TNFSF8: variants seen among roughly 807,000 people sequenced by gnomAD.
TNFSF8 encodes TNF superfamily member 8.
TNFSF8 carries 4 observed loss-of-function variants against 22.0 expected under a neutral mutation model. That is an observed-to-expected ratio of 0.18 (90% CI 0.09 to 0.42). The LOEUF is 0.42. Ranked by LOEUF, TNFSF8 falls within the 10% of genes least tolerant of loss-of-function variation. TNFSF8 has a pLI of 1.00. For synonymous variants in TNFSF8, 106 were observed against 112.5 expected (o/e 0.94, Z 0.37); for missense variants, 233 against 281.8 (o/e 0.83, Z 1.24).
intron 1 of TNFSF8, among the ~76,000 whole-genome samples, chr9:114,928,531 C>G (rs1418823243): frequency 6.6e-6 from 1 of 152,224 alleles, no homozygotes; most frequent in Admixed American, 6.5e-5. Flanking sequence ...CCATCTCTCT[C>G]TCTCTCTCAG....
intron 3 of TNFSF8, among the ~76,000 whole-genome samples, chr9:114,904,614 T>C (rs1270456088): frequency 2.0e-5 from 3 of 152,214 alleles, no homozygotes; most frequent in Admixed American, 2.0e-4. Flanking sequence ...ATCATTATCA[T>C]ATTATATTAT....
chr9:114,908,806 G>T (rs1827816262), intron 2 of TNFSF8, among the ~76,000 whole-genome samples: 1 of 152,156 alleles, frequency 6.6e-6, no homozygotes, highest in African/African-American at 2.4e-5. Context: ...GTTCAGAAAG[G>T]GGCTAAAAGC....
intron 2 of TNFSF8, among the ~76,000 whole-genome samples, chr9:114,909,061 T>C (rs1304141233): frequency 6.6e-6 from 1 of 152,136 alleles, no homozygotes; most frequent in Non-Finnish European, 1.5e-5. Context: ...TGTCACACTG[T>C]GAGTCACAGT....
At chr9:114,894,023 A>T in exon 5 of TNFSF8, 1 of 1,397,714 alleles carries the variant, frequency 7.2e-7, no homozygotes, top group Non-Finnish European at 9.8e-7. Flanking sequence ...TCCACTTAGC[A>T]GTGACAGTGA....
chr9:114,926,488 A>G (rs1479940274), intron 1 of TNFSF8, among the ~76,000 whole-genome samples: 5 of 152,206 alleles, frequency 3.3e-5, no homozygotes, highest in Admixed American at 6.5e-5. Context: ...TATTCCCCAG[A>G]TATACTTGCA....
chr9:114,929,962 G>GTATATATATA, intron 1 of TNFSF8, 147 bp downstream of exon 1: 1 of 268,734 alleles, frequency 3.7e-6, no homozygotes, highest in Non-Finnish European at 6.8e-6. Flanking sequence ...ATATACTATA[G>GTATATATATA]TATATATATA....
intron 4 of TNFSF8, among the ~76,000 whole-genome samples, chr9:114,895,173 G>A (rs970578969): frequency 2.4e-4 from 36 of 152,316 alleles, no homozygotes; most frequent in Non-Finnish European, 4.9e-4. Context: ...ATCCCTGCCT[G>A]GTAATTCCCT....
chr9:114,909,458 C>A (rs930417914), intron 2 of TNFSF8, among the ~76,000 whole-genome samples: 1 of 152,188 alleles, frequency 6.6e-6, no homozygotes, highest in African/African-American at 2.4e-5. Context: ...CCTGGGATTT[C>A]TCCTCTCTGG....
intron 1 of TNFSF8, 49 bp downstream of exon 1, chr9:114,930,060 C>A: frequency 7.2e-7 from 1 of 1,396,582 alleles, no homozygotes; most frequent in Non-Finnish European, 9.4e-7. Flanking sequence ...GGCTCTTTCT[C>A]TCGGGAAAAC....
chr9:114,901,868 C>T lies in TNFSF8; in HGVS notation c.*2063G>A, dbSNP rs1827720197. On this transcript the variant is annotated 3_prime_UTR_variant, in exon 4 of 4. Transcript: ENST00000223795. ...CAGATGACTTAAAATTTTCCCTTAG[C>T]CATTTTTGTTCTCTCAAGTCCCTTT... 1 of 950,728 alleles carries T rather than the reference C, an allele frequency of 1.1e-6. No homozygotes were observed. Among genetic ancestry groups the T allele is most frequent in the Non-Finnish European group, 1.3e-6 (1 of 798,460 alleles). The allele number at this position is 950,728 out of a possible 1,614,324, so 58.9% of individuals were successfully genotyped here. A position where few individuals can be genotyped will look rare whatever the true frequency, so the allele number is the denominator to read the frequency against.
downstream of TNFSF8, among the ~76,000 whole-genome samples, chr9:114,899,425 G>A (rs1413095811): frequency 6.7e-6 from 1 of 148,762 alleles, no homozygotes; most frequent in Non-Finnish European, 1.5e-5. Context: ...AACCTGGAAA[G>A]TCATTATACT....
intron 2 of TNFSF8, among the ~76,000 whole-genome samples, chr9:114,913,248 G>A (rs1587935416): frequency 6.6e-6 from 1 of 152,178 alleles, no homozygotes; most frequent in East Asian, 1.9e-4. Flanking sequence ...CTTCCTTAGG[G>A]CCTCCAGGAA....
At chr9:114,901,078 G>T, downstream of TNFSF8, 2 of 985,262 alleles carry the variant, frequency 2.0e-6, no homozygotes, top group Non-Finnish European at 2.4e-6. Context: ...GGTTCAGAGG[G>T]TAGGAGCAAG....
At chr9:114,926,979 TATA>T (rs1432751682) in intron 1 of TNFSF8, among the ~76,000 whole-genome samples, 21 of 123,384 alleles carry the variant, frequency 1.7e-4, no homozygotes, top group South Asian at 2.6e-4. Flanking sequence ...TATTTTATAA[TATA>T]ATATTTATAA....
intron 3 of TNFSF8, among the ~76,000 whole-genome samples, chr9:114,904,832 T>C (rs776731900): frequency 6.6e-6 from 1 of 152,172 alleles, no homozygotes; most frequent in Non-Finnish European, 1.5e-5. Flanking sequence ...TAATATCCAA[T>C]TTAGGTTTGA....
rs767594084 is a variant in TNFSF8 at position 114,904,170 on chromosome 9, C to A, written c.466G>T (p.Val156Phe). 2.5e-6 allele frequency: 4 copies of A among 1,614,076 alleles called. No homozygotes were observed. The highest frequency in any genetic ancestry group is 3.4e-6 in the Non-Finnish European group (4 of 1,179,978). ...ATGAGAAGCTCCAACTTCAGATCGACAGAATTATTTGGGCATTGTACAAGA... is the reference window on the plus strand; with the variant it reads ...ATGAGAAGCTCCAACTTCAGATCGAAAGAATTATTTGGGCATTGTACAAGA... ...QFLVQCPNNS[V>F]DLKLELLINK... The change falls in exon 4 of 4, where the codon GTC (valine) becomes TTC (phenylalanine). Residue 156 changes from valine (V) to phenylalanine (F), a missense_variant. Coordinates refer to ENST00000223795, the MANE Select transcript of TNFSF8 (RefSeq NM_001244.4).
chr9:114,930,042 G>T lies in TNFSF8; in HGVS notation c.195+67C>A, dbSNP rs995404589. 37 of 1,297,764 alleles carry T rather than the reference G, an allele frequency of 2.9e-5. 1 individual carries two copies. The Admixed American group carries it at 1.0e-3, about 37-fold the overall frequency. 80.4% of individuals were successfully genotyped at this position (1,297,764 alleles called of 1,614,324 possible). On this transcript the variant is annotated intron_variant, in intron 1 of 3. Transcript: ENST00000223795. ...CTTAACCAACAAACGAATATCATTT[G>T]TTCCCAGGGCTCTTTCTCTCGGGAA...
At chr9:114,918,006 A>C in intron 2 of TNFSF8, 90 bp downstream of exon 2, 1 of 1,326,210 alleles carries the variant, frequency 7.5e-7, no homozygotes, top group African/African-American at 1.5e-5. Context: ...CATGTCATAG[A>C]GTTGTTTCTG....
chr9:114,907,248 A>G (rs1028659787), intron 2 of TNFSF8, among the ~76,000 whole-genome samples: 1 of 152,070 alleles, frequency 6.6e-6, no homozygotes, highest in African/African-American at 2.4e-5. Context: ...CTGCATCCAC[A>G]TAGAGCTTCT....
Sources: allele counts gnomAD v4.1 joint callset (sites outside exome capture counted in the v4.1 genomes callset), GRCh38; gene constraint gnomAD v4.1.1; transcripts MANE v1.5; gene names NCBI Gene and HGNC (gene_info 2026-07-23, HGNC 2026-07-21).